PSD3: variants seen among roughly 807,000 people sequenced by gnomAD.
PSD3 encodes the protein PH and SEC7 domain-containing protein 3.
In PSD3, 49 loss-of-function variants were observed where a neutral mutation model predicts 105.5. That is an observed-to-expected ratio of 0.46 (90% CI 0.37 to 0.59). PSD3 has a LOEUF of 0.59. Ranked by LOEUF, PSD3 falls within the 20% of genes least tolerant of loss-of-function variation. The probability of loss-of-function intolerance (pLI) is 0.00; values close to 1 mark genes in which losing one functional copy is unlikely to be tolerated. For synonymous variants in PSD3, 557 were observed against 457.8 expected (o/e 1.22, Z -2.77); for missense variants, 1,561 against 1,263.8 (o/e 1.24, Z -3.57).
At chr8:18,959,224 G>A (rs1432354816) in intron 1 of PSD3, among the ~76,000 whole-genome samples, 1 of 152,068 alleles carries the variant, frequency 6.6e-6, no homozygotes, top group Non-Finnish European at 1.5e-5. Context: ...TCCAGCTTAA[G>A]TGGAGGTTCT....
At chr8:18,708,395 A>T (rs1178947126) in intron 9 of PSD3, among the ~76,000 whole-genome samples, 1 of 152,162 alleles carries the variant, frequency 6.6e-6, no homozygotes, top group Non-Finnish European at 1.5e-5. Context: ...GTGAATACTG[A>T]ATATAGCACC....
intron 8 of PSD3, among the ~76,000 whole-genome samples, chr8:18,779,202 A>G (rs888017705): frequency 4.6e-5 from 7 of 152,166 alleles, no homozygotes; most frequent in Admixed American, 4.6e-4. Context: ...ATGTCCAGGA[A>G]TGAATCTGTT....
intron 9 of PSD3, among the ~76,000 whole-genome samples, chr8:18,716,611 C>T (rs1250417807): frequency 6.6e-6 from 1 of 152,090 alleles, no homozygotes; most frequent in Non-Finnish European, 1.5e-5. Flanking sequence ...GTCTTGCAAG[C>T]TTTGATAAGG....
intron 13 of PSD3, among the ~76,000 whole-genome samples, chr8:18,574,137 A>C (rs1410331151): frequency 2.0e-5 from 3 of 152,208 alleles, no homozygotes; most frequent in East Asian, 1.9e-4. Context: ...TCTACCATAC[A>C]CATAATCAAT....
intron 12 of PSD3, among the ~76,000 whole-genome samples, chr8:18,580,532 A>T (rs941117392): frequency 1.3e-5 from 2 of 152,170 alleles, no homozygotes; most frequent in East Asian, 3.9e-4. Context: ...CCTGGGTGAA[A>T]CAGTGAGAAT....
At chr8:18,788,206 A>G (rs1447092606) in intron 8 of PSD3, among the ~76,000 whole-genome samples, 1 of 152,216 alleles carries the variant, frequency 6.6e-6, no homozygotes, top group East Asian at 1.9e-4. Flanking sequence ...GATGTATTCT[A>G]TTCTCCAAAT....
intron 1 of PSD3, among the ~76,000 whole-genome samples, chr8:19,073,631 G>T (rs1287130310): frequency 1.4e-5 from 2 of 147,446 alleles, no homozygotes; most frequent in African/African-American, 5.0e-5. Context: ...GAGGGAAAAA[G>T]GCAGAAAAGC....
intron 9 of PSD3, among the ~76,000 whole-genome samples, chr8:18,728,484 AAGG>A (rs1422075675): frequency 1.3e-5 from 2 of 152,154 alleles, no homozygotes; most frequent in East Asian, 3.9e-4. Context: ...CCCAGACAAA[AAGG>A]AGGGAGGAGT....
At chr8:19,069,698 A>G (rs566588818) in intron 1 of PSD3, among the ~76,000 whole-genome samples, 3 of 152,298 alleles carry the variant, frequency 2.0e-5, no homozygotes, top group African/African-American at 7.2e-5. Flanking sequence ...ACAACTAAAG[A>G]GTACAAAGAA....
intron 2 of PSD3, among the ~76,000 whole-genome samples, chr8:18,906,254 G>A (rs902800428): frequency 6.6e-6 from 1 of 152,058 alleles, no homozygotes; most frequent in African/African-American, 2.4e-5. Flanking sequence ...CTAAAGTTAA[G>A]AAACCCTGCC....
intron 8 of PSD3, among the ~76,000 whole-genome samples, chr8:18,768,023 C>G (rs1451620049): frequency 6.8e-6 from 1 of 146,842 alleles, no homozygotes; most frequent in South Asian, 2.1e-4. Context: ...ATAATCCCAG[C>G]ACTTTGGGAG....
At chr8:18,871,298 G>C (rs1817330192) in intron 3 of PSD3, among the ~76,000 whole-genome samples, 1 of 152,160 alleles carries the variant, frequency 6.6e-6, no homozygotes, top group East Asian at 1.9e-4. Flanking sequence ...GGGTATGTTA[G>C]TTACCTTGAC....
chr8:18,939,285 A>G (rs541406280), intron 1 of PSD3, among the ~76,000 whole-genome samples: 1 of 152,306 alleles, frequency 6.6e-6, no homozygotes, highest in African/African-American at 2.4e-5. Context: ...TTACATATTT[A>G]TTTGCATTTA....
intron 4 of PSD3, among the ~76,000 whole-genome samples, chr8:18,843,997 A>C (rs997223921): frequency 4.6e-5 from 7 of 152,020 alleles, no homozygotes; most frequent in African/African-American, 1.7e-4. Flanking sequence ...TCCTGATTTA[A>C]AAAAACAAGG....
At chr8:18,780,857 A>T (rs2092210063) in intron 8 of PSD3, among the ~76,000 whole-genome samples, 1 of 152,058 alleles carries the variant, frequency 6.6e-6, no homozygotes, top group African/African-American at 2.4e-5. Flanking sequence ...CCTGGCCCAG[A>T]GTTTTATACT....
chr8:18,855,160 G>A (rs910992179), intron 4 of PSD3, among the ~76,000 whole-genome samples: 1 of 152,186 alleles, frequency 6.6e-6, no homozygotes, highest in Non-Finnish European at 1.5e-5. Context: ...GGATTATGAG[G>A]ACCTGGAGAT....
At chr8:18,779,384 CA>C (rs148993362) in intron 8 of PSD3, among the ~76,000 whole-genome samples, 3,838 of 146,508 alleles carry the variant, frequency 0.026, 164 homozygotes, top group East Asian at 0.14. Context: ...TTTATTCTCT[CA>C]AAAAAAAAAC....
chr8:18,981,999 T>C (rs563599005), intron 1 of PSD3, among the ~76,000 whole-genome samples: 56 of 152,354 alleles, frequency 3.7e-4, no homozygotes, highest in African/African-American at 1.3e-3. Context: ...TAGCATACAA[T>C]GTTGTTTGAC....
At chr8:18,949,347 C>T (rs1487567837) in intron 1 of PSD3, among the ~76,000 whole-genome samples, 2 of 136,732 alleles carry the variant, frequency 1.5e-5, no homozygotes, top group South Asian at 4.9e-4. Context: ...TTATTTTCTA[C>T]TTACACAGTA....
Sources: gnomAD v4.1 joint callset for allele counts (sites outside exome capture counted in the v4.1 genomes callset) on GRCh38, gnomAD v4.1.1 for gene constraint, MANE v1.5 for transcripts, NCBI Gene and HGNC (gene_info 2026-07-23, HGNC 2026-07-21) for gene names.